Variants in UBASH3B observed in about 807,000 individuals in gnomAD.
The protein encoded by UBASH3B is ubiquitin-associated and SH3 domain-containing protein B.
UBASH3B carries 37 observed loss-of-function variants against 83.4 expected under a neutral mutation model. The observed-to-expected ratio is 0.44, with a 90% CI of 0.34 to 0.58. The LOEUF (loss-of-function observed/expected upper bound fraction) is 0.58, where lower values mean the gene tolerates loss of function less well. UBASH3B is among the 20% of genes least tolerant of loss of function. The pLI is 0.01. For synonymous variants in UBASH3B, 304 were observed against 318.3 expected (o/e 0.96, Z 0.48); for missense variants, 657 against 827.2 (o/e 0.79, Z 2.52).
At chr11:122,740,682 A>G (rs891274553) in intron 1 of UBASH3B, among the ~76,000 whole-genome samples, 2 of 151,968 alleles carry the variant, frequency 1.3e-5, no homozygotes, top group Non-Finnish European at 2.9e-5. Flanking sequence ...CTTGCAAGCG[A>G]CCCTGCCATA....
intron 1 of UBASH3B, among the ~76,000 whole-genome samples, chr11:122,706,642 G>A (rs952141197): frequency 2.6e-5 from 4 of 152,092 alleles, no homozygotes; most frequent in Admixed American, 2.6e-4. Flanking sequence ...TCCTGATGTT[G>A]GAATCTAACG....
chr11:122,777,621 G>GT (rs11312055), intron 3 of UBASH3B, among the ~76,000 whole-genome samples: 6 of 151,264 alleles, frequency 4.0e-5, no homozygotes, highest in East Asian at 2.0e-4. Flanking sequence ...CTGTCCACAA[G>GT]TTTTTTTTTT....
At chr11:122,723,369 AGTCTCCAGCCTAAAGCCTTT>A (rs1227968917) in intron 1 of UBASH3B, among the ~76,000 whole-genome samples, 3 of 152,212 alleles carry the variant, frequency 2.0e-5, no homozygotes, top group Non-Finnish European at 2.9e-5. Flanking sequence ...AGTAGAGCCA[AGTCTCCAGCCTAAAGCCTTT>A]GTCTCCAAAC....
chr11:122,799,195 A>G (rs1245467209), intron 10 of UBASH3B, among the ~76,000 whole-genome samples, 161 bp downstream of exon 10: 1 of 152,150 alleles, frequency 6.6e-6, no homozygotes, highest in Admixed American at 6.5e-5. Context: ...CACAAGTCAC[A>G]AAAACATACT....
chr11:122,728,065 G>A lies in UBASH3B; in HGVS notation c.162-48154G>A, dbSNP rs114735293. On this transcript the variant is annotated intron_variant, in intron 1 of 13. Transcript: ENST00000284273. ...GTTGCCCAGGCTGGTCTCAAACTAC[G>A]GGGCTCAAGCAGTCTTCCTGCCTCA... is the stretch of plus-strand genomic sequence containing the variant. Among the ~76,000 whole-genome samples, 743 of 152,116 alleles carry A rather than the reference G, an allele frequency of 4.9e-3. 16 individuals are homozygous for A. The highest frequency in any genetic ancestry group is 0.034 in the Admixed American group (512 of 15,248).
chr11:122,664,972 A>G (rs1863496151), intron 1 of UBASH3B, among the ~76,000 whole-genome samples: 1 of 152,084 alleles, frequency 6.6e-6, no homozygotes, highest in African/African-American at 2.4e-5. Context: ...GCGGTGGCGC[A>G]ATCTCAGCTC....
At chr11:122,803,161 T>C (rs929734717) in intron 11 of UBASH3B, among the ~76,000 whole-genome samples, 4 of 152,204 alleles carry the variant, frequency 2.6e-5, no homozygotes, top group African/African-American at 4.8e-5. Context: ...TCAACCATTT[T>C]CTGTTTGGCG....
At chr11:122,704,828 G>C (rs1393952092) in intron 1 of UBASH3B, among the ~76,000 whole-genome samples, 1 of 151,782 alleles carries the variant, frequency 6.6e-6, no homozygotes. Flanking sequence ...TTTTTTAATA[G>C]AAAACTTTAT....
At chr11:122,781,311 T>C (rs1411005867) in intron 4 of UBASH3B, among the ~76,000 whole-genome samples, 2 of 152,136 alleles carry the variant, frequency 1.3e-5, no homozygotes. Flanking sequence ...CTCTTATCCC[T>C]CAATCTCAAG....
chr11:122,796,022 C>A, intron 7 of UBASH3B, 134 bp from the exon 8 acceptor site: 1 of 1,070,050 alleles, frequency 9.3e-7, no homozygotes, highest in Non-Finnish European at 1.4e-6. Flanking sequence ...GTCTGTAGGA[C>A]GAGTCTTACT....
intron 6 of UBASH3B, among the ~76,000 whole-genome samples, chr11:122,789,872 C>T (rs1056761091): frequency 3.3e-5 from 5 of 152,190 alleles, no homozygotes; most frequent in African/African-American, 1.2e-4. Context: ...TTTCCCCCCT[C>T]CCCTCTGCCA....
rs146055972 is a variant in UBASH3B at position 122,758,429 on chromosome 11, C to A, written c.162-17790C>A. 5.9e-5 allele frequency among the ~76,000 whole-genome samples: 9 copies of A among 152,316 alleles called. No individual in the cohort carries two copies. In the East Asian group the frequency reaches 1.7e-3, roughly 29 times the overall value. On this transcript the variant is annotated intron_variant, in intron 1 of 13. Transcript: ENST00000284273. This position sits in a 1 kb window ranked among gnomAD's most constrained non-coding sequence, Gnocchi z 4.2. Reference sequence around the variant, plus strand: ...AAGCCTCCAGAGCATCTGCCAGGAACTGTTTTACCAAAAGATTCCCTCCAG... The same window carrying A: ...AAGCCTCCAGAGCATCTGCCAGGAAATGTTTTACCAAAAGATTCCCTCCAG...
At chr11:122,774,563 G>A (rs777420292) in intron 1 of UBASH3B, among the ~76,000 whole-genome samples, 4 of 152,116 alleles carry the variant, frequency 2.6e-5, no homozygotes, top group South Asian at 2.1e-4. Context: ...TCACAGCATC[G>A]GTCATTCTAA....
chr11:122,673,740 TAA>T (rs1442133030), intron 1 of UBASH3B, among the ~76,000 whole-genome samples: 4 of 152,208 alleles, frequency 2.6e-5, no homozygotes, highest in Admixed American at 6.5e-5. Flanking sequence ...ATTTTTTTGC[TAA>T]AGAGTCCAAT....
chr11:122,746,363 C>G (rs1861118605), intron 1 of UBASH3B, among the ~76,000 whole-genome samples: 1 of 152,136 alleles, frequency 6.6e-6, no homozygotes, highest in South Asian at 2.1e-4. Flanking sequence ...AGTGGGCGGA[C>G]AAGTGGAAGG....
rs1018577992 is a variant in UBASH3B, at chr11:122,813,859, A to G, written c.*3973A>G. ...AGGAAAGTGACTAGCTATAATGAAA[A>G]TTCAAGCGAAAAGGGAAAAAGATTG... is the stretch of plus-strand genomic sequence containing the variant. On this transcript the variant is annotated 3_prime_UTR_variant, in exon 14 of 14. Coordinates refer to ENST00000284273, the MANE Select transcript of UBASH3B (RefSeq NM_032873.5). The G allele has an allele frequency of 1.3e-5, 2 of 152,242 alleles. No individual in the cohort carries two copies. The highest frequency in any genetic ancestry group is 2.9e-5 in the Non-Finnish European group (2 of 68,042). The allele number at this position is 152,242 out of a possible 1,614,324, so 9.4% of individuals were successfully genotyped here. A position where few individuals can be genotyped will look rare whatever the true frequency, so the allele number is the denominator to read the frequency against.
chr11:122,681,892 C>T (rs11218752), intron 1 of UBASH3B, among the ~76,000 whole-genome samples: 56,803 of 151,940 alleles, frequency 0.37, 10,709 homozygotes, highest in Non-Finnish European at 0.39. Context: ...GCATGGTCAG[C>T]GTGTCTGCGA....
At chr11:122,755,731 G>C (rs936268641) in intron 1 of UBASH3B, among the ~76,000 whole-genome samples, 2 of 152,166 alleles carry the variant, frequency 1.3e-5, no homozygotes, top group African/African-American at 4.8e-5. Context: ...ATTAGGCTTT[G>C]TCAACTCAGG....
chr11:122,689,704 C>A (rs1488405344), intron 1 of UBASH3B, among the ~76,000 whole-genome samples: 2 of 152,186 alleles, frequency 1.3e-5, no homozygotes, highest in African/African-American at 4.8e-5. Flanking sequence ...CTGCCCTCAT[C>A]CCCACCAGTT....
Sources: allele counts gnomAD v4.1 joint callset (sites outside exome capture counted in the v4.1 genomes callset), GRCh38; gene constraint gnomAD v4.1.1; non-coding constraint Gnocchi (gnomAD v3.1); transcripts MANE v1.5; gene names NCBI Gene and HGNC (gene_info 2026-07-23, HGNC 2026-07-21).